The following DCAF6 variants were observed in gnomAD, a reference collection of about 807,000 sequenced individuals.
DCAF6 encodes the protein DDB1 and CUL4 associated factor 6.
DCAF6 carries 54 observed loss-of-function variants against 125.1 expected under a neutral mutation model. The ratio of observed to expected loss-of-function variants is 0.43; its 90% CI spans 0.35 to 0.54. The LOEUF is 0.54. Ranked by LOEUF, DCAF6 falls within the 20% of genes least tolerant of loss-of-function variation. DCAF6 has a pLI of 0.01. For synonymous variants in DCAF6, 371 were observed against 390.4 expected, an observed-to-expected ratio of 0.95 and a Z score of 0.58; for missense variants, 934 against 1,161.7, an observed-to-expected ratio of 0.80 and a Z score of 2.85.
At chr1:168,036,887 T>G (rs1219337336) in intron 12 of DCAF6, among the ~76,000 whole-genome samples, 1 of 152,202 alleles carries the variant, frequency 6.6e-6, no homozygotes, top group African/African-American at 2.4e-5. Context: ...CCATTTGGGA[T>G]GTCAGGTTTA....
intron 16 of DCAF6, among the ~76,000 whole-genome samples, chr1:168,047,329 T>C (rs968089226): frequency 1.3e-5 from 2 of 152,106 alleles, no homozygotes; most frequent in African/African-American, 4.8e-5. Context: ...CAGAATCTTT[T>C]AGAAGAGAGA....
the DCAF6 span, among the ~76,000 whole-genome samples, chr1:167,866,788 A>G: frequency 6.6e-6 from 1 of 152,264 alleles, no homozygotes; most frequent in African/African-American, 2.4e-5. Flanking sequence ...TTCAAAAAAA[A>G]AAAATGGCAG....
In DCAF6 at chr1:167,965,239, C is replaced by T. The variant is rs117678565; in HGVS notation, c.160-1390C>T. ...TCTGTCACTTAAAGAGCCTATACGT[C>T]TGAACTGTGGGCTTCACAAGGGATT... On this transcript the variant is annotated intron_variant, in intron 2 of 21. Transcript: ENST00000367840. 3.5e-4 allele frequency among the ~76,000 whole-genome samples: 54 copies of T among 152,292 alleles called. No individual in the cohort carries two copies. The East Asian group carries it at 7.5e-3, about 21-fold the overall frequency.
At position 167,980,298 on chromosome 1, in the gene DCAF6, C is replaced by G. The variant is rs1211794539; in HGVS notation, c.438+5283C>G. On this transcript the variant is annotated intron_variant, in intron 4 of 21. Coordinates refer to ENST00000367840, the MANE Select transcript of DCAF6 (RefSeq NM_001198956.2). Reference sequence around the variant, plus strand: ...AGTGAAGATGAGTGTGCAAATATCTCTTCAAGATCCCGTTTCCAGTTTTTT... The same window carrying G: ...AGTGAAGATGAGTGTGCAAATATCTGTTCAAGATCCCGTTTCCAGTTTTTT... Among the ~76,000 whole-genome samples the G allele has an allele frequency of 2.0e-5, 3 of 152,192 alleles. No homozygotes were observed. The East Asian group carries it at 5.8e-4, about 29-fold the overall frequency.
chr1:167,880,511 G>A, the DCAF6 span: 2 of 1,613,776 alleles, frequency 1.2e-6, no homozygotes, highest in Middle Eastern at 1.6e-4. Context: ...GGACTTGAGA[G>A]CAGAAGTCAA....
intron 2 of DCAF6, among the ~76,000 whole-genome samples, chr1:167,959,605 T>C (rs113887506): frequency 1.1e-4 from 16 of 152,354 alleles, no homozygotes; most frequent in African/African-American, 3.1e-4. Context: ...CTAATAGATA[T>C]GTAGTACATT....
Position 168,054,935 on chromosome 1 carries a change from G to C in DCAF6, c.2300+4002G>C, listed in dbSNP as rs568766367. Among the ~76,000 whole-genome samples the C allele has an allele frequency of 5.7e-4, 86 of 151,620 alleles. 1 individual carries two copies. The highest frequency in any genetic ancestry group is 2.0e-3 in the African/African-American group (83 of 41,362). ...GGGTTCAAGCAATTCTCCTGCCTCA[G>C]CCTCCCAAGTAGCTGGGGCTACAGG... On this transcript the variant is annotated intron_variant, in intron 17 of 21. Coordinates refer to ENST00000367840, the MANE Select transcript of DCAF6 (RefSeq NM_001198956.2).
At chr1:167,935,384 C>A (rs767503488), upstream of DCAF6, among the ~76,000 whole-genome samples, 39 of 152,106 alleles carry the variant, frequency 2.6e-4, no homozygotes, top group Non-Finnish European at 1.5e-4. Flanking sequence ...TGCCACAATT[C>A]GAAAAGAGAA....
intron 4 of DCAF6, among the ~76,000 whole-genome samples, chr1:167,983,849 G>A (rs1679552565): frequency 1.3e-5 from 2 of 152,138 alleles, no homozygotes; most frequent in Admixed American, 1.3e-4. Flanking sequence ...CCTTAGGATG[G>A]GGTTGAATAT....
chr1:167,892,756 G>T, the DCAF6 span, among the ~76,000 whole-genome samples: 84 of 152,270 alleles, frequency 5.5e-4, no homozygotes, highest in African/African-American at 1.9e-3. Context: ...ACAGGCCTTT[G>T]TTACAAAGAT....
chr1:167,940,576 A>C (rs1286240124), intron 1 of DCAF6, among the ~76,000 whole-genome samples: 4 of 151,944 alleles, frequency 2.6e-5, no homozygotes, highest in African/African-American at 9.7e-5. Context: ...TAAATGTAAT[A>C]GTTTCTCAAA....
At chr1:168,042,839 T>A in intron 13 of DCAF6, 186 bp from the exon 14 acceptor site, 1 of 462,972 alleles carries the variant, frequency 2.2e-6, no homozygotes, top group African/African-American at 2.0e-5. Context: ...TTTTCAAGAG[T>A]AAAGTGTGTT....
At chr1:167,920,115 A>C in the DCAF6 span, 1 of 1,418,122 alleles carries the variant, frequency 7.1e-7, no homozygotes, top group Non-Finnish European at 9.9e-7. Context: ...TGTTACTTTA[A>C]AAAGAATACA....
the DCAF6 span, among the ~76,000 whole-genome samples, chr1:167,914,701 T>C: frequency 0.013 from 1,907 of 152,356 alleles, 38 homozygotes; most frequent in African/African-American, 0.044. Context: ...GTGTGTTTTC[T>C]AACAGCTTAA....
intron 10 of DCAF6, among the ~76,000 whole-genome samples, 200 bp from the exon 11 acceptor site, chr1:168,015,581 T>C (rs1429387717): frequency 6.6e-6 from 1 of 152,196 alleles, no homozygotes; most frequent in African/African-American, 2.4e-5. Context: ...TTCATCGTAG[T>C]TAAATAGAAG....
At chr1:167,992,507 A>G (rs890743161) in intron 6 of DCAF6, among the ~76,000 whole-genome samples, 1 of 152,198 alleles carries the variant, frequency 6.6e-6, no homozygotes, top group South Asian at 2.1e-4. Flanking sequence ...GGATATGTAC[A>G]TTTAGGGGAA....
At chr1:167,887,778 TAA>T in the DCAF6 span, among the ~76,000 whole-genome samples, 1 of 143,754 alleles carries the variant, frequency 7.0e-6, no homozygotes, top group Non-Finnish European at 1.5e-5. Context: ...AAAATAATTC[TAA>T]AAAAAAAAAA....
chr1:167,900,367 AG>A, the DCAF6 span, among the ~76,000 whole-genome samples: 1 of 152,196 alleles, frequency 6.6e-6, no homozygotes, highest in Non-Finnish European at 1.5e-5. Context: ...CTCTAAAAAA[AG>A]GTGCTGGGAC....
chr1:168,036,153 T>G (rs746502256), intron 12 of DCAF6, among the ~76,000 whole-genome samples: 2 of 152,202 alleles, frequency 1.3e-5, no homozygotes, highest in East Asian at 1.9e-4. Flanking sequence ...TTAGAAAGCT[T>G]CTTGCCTTTG....
Sources: gnomAD v4.1 joint callset for allele counts (sites outside exome capture counted in the v4.1 genomes callset) on GRCh38, gnomAD v4.1.1 for gene constraint, MANE v1.5 for transcripts, NCBI Gene and HGNC (gene_info 2026-07-23, HGNC 2026-07-21) for gene names.